The following UGT1A10 variants were observed in gnomAD, a reference collection of about 807,000 sequenced individuals.
UGT1A10 encodes UDP glucuronosyltransferase family 1 member A10.
A neutral mutation model predicts 45.8 loss-of-function variants in UGT1A10; 49 were observed. That is an observed-to-expected ratio of 1.07 (90% CI 0.85 to 1.36). UGT1A10 has a LOEUF of 1.36. Ranked by LOEUF, UGT1A10 falls within the 40% of genes most tolerant of loss-of-function variation. The pLI is 0.00. For synonymous variants in UGT1A10, 284 were observed against 249.7 expected, an observed-to-expected ratio of 1.14 and a Z score of -1.29; for missense variants, 745 against 668.6, an observed-to-expected ratio of 1.11 and a Z score of -1.26.
intron 1 of UGT1A10, among the ~76,000 whole-genome samples, chr2:233,669,145 C>T (rs1056326125): frequency 3.9e-5 from 6 of 152,170 alleles, no homozygotes; most frequent in Non-Finnish European, 5.9e-5. Flanking sequence ...AACTTGGTTG[C>T]TCATACTTCT....
intron 1 of UGT1A10, chr2:233,747,623 G>T: frequency 6.3e-7 from 1 of 1,577,752 alleles, no homozygotes; most frequent in Admixed American, 1.7e-5. Context: ...ATGAGGCCCT[G>T]ATCAGGCACC....
intron 1 of UGT1A10, among the ~76,000 whole-genome samples, chr2:233,733,415 C>T (rs778280209): frequency 6.6e-5 from 10 of 152,224 alleles, no homozygotes; most frequent in East Asian, 1.9e-4. Context: ...TTCCAGTTTT[C>T]GCCTACTCAG....
At chr2:233,742,375 GC>G (rs1691959490) in intron 1 of UGT1A10, among the ~76,000 whole-genome samples, 1 of 151,984 alleles carries the variant, frequency 6.6e-6, no homozygotes, top group Non-Finnish European at 1.5e-5. Flanking sequence ...TGTCCTTAAG[GC>G]ACAGATGGCT....
chr2:233,725,960 G>A (rs574964594), intron 1 of UGT1A10, among the ~76,000 whole-genome samples: 2 of 152,228 alleles, frequency 1.3e-5, no homozygotes, highest in East Asian at 3.9e-4. Flanking sequence ...GAGCCCAGGA[G>A]TCTGAGAGCA....
chr2:233,640,092 C>T (rs577175095), intron 1 of UGT1A10, among the ~76,000 whole-genome samples: 1 of 152,170 alleles, frequency 6.6e-6, no homozygotes, highest in Non-Finnish European at 1.5e-5. Context: ...TTCCCCATTG[C>T]TCTAAGATTC....
chr2:233,748,945 A>T (rs1040839145), intron 1 of UGT1A10, among the ~76,000 whole-genome samples: 1 of 151,666 alleles, frequency 6.6e-6, no homozygotes, highest in Non-Finnish European at 1.5e-5. Context: ...AACCCACCCT[A>T]TCCCACTCCA....
At chr2:233,702,172 T>C (rs2075673441) in intron 1 of UGT1A10, among the ~76,000 whole-genome samples, 1 of 152,210 alleles carries the variant, frequency 6.6e-6, no homozygotes, top group Non-Finnish European at 1.5e-5. Context: ...TCACTCTTCT[T>C]TCTCTCCTTC....
At chr2:233,747,507 C>G in intron 1 of UGT1A10, 1 of 1,608,136 alleles carries the variant, frequency 6.2e-7, no homozygotes. Flanking sequence ...CCACACTCAA[C>G]TGTACTTTGA....
intron 1 of UGT1A10, among the ~76,000 whole-genome samples, chr2:233,639,257 T>C (rs2073384600): frequency 6.6e-6 from 1 of 152,236 alleles, no homozygotes; most frequent in Non-Finnish European, 1.5e-5. Context: ...TATACACATG[T>C]ATGAAAGTTT....
chr2:233,735,469 G>T (rs1476007711), intron 1 of UGT1A10, among the ~76,000 whole-genome samples: 1 of 152,020 alleles, frequency 6.6e-6, no homozygotes, highest in African/African-American at 2.4e-5. Context: ...TATCCAATTT[G>T]CCAGTCTGTG....
chr2:233,747,699 A>G lies in UGT1A10; in HGVS notation c.856-19335A>G. 2.5e-6 allele frequency: 4 copies of G among 1,611,746 alleles called. No individual in the cohort carries two copies. In the South Asian group the frequency reaches 3.3e-5, roughly 13 times the overall value. On this transcript the variant is annotated intron_variant, in intron 1 of 4. Coordinates refer to ENST00000344644, the MANE Select transcript of UGT1A10 (RefSeq NM_019075.4). ...TTACCTCTGTGGGGCAGTGCTGGCT[A>G]AGTACCTATCAATTCCTGCTGTGTT...
rs547785127 is a variant in UGT1A10, at chr2:233,661,275, A to G, written c.855+23898A>G. On this transcript the variant is annotated intron_variant, in intron 1 of 4. Coordinates refer to ENST00000344644, the MANE Select transcript of UGT1A10 (RefSeq NM_019075.4). ...GTTGATAGGGCACAGAGGACTTCCC[A>G]TGAGGCTGTAAAGAACTTATTTCTC... Among the ~76,000 whole-genome samples, 25 of 152,098 alleles carry G rather than the reference A, an allele frequency of 1.6e-4. 1 individual carries two copies. In the South Asian group the frequency reaches 4.6e-3, roughly 28 times the overall value.
intron 1 of UGT1A10, chr2:233,672,912 CAA>C: frequency 1.3e-6 from 2 of 1,503,828 alleles, no homozygotes; most frequent in East Asian, 4.5e-5. Flanking sequence ...TCCAGTTTAA[CAA>C]ATTATTTTGT....
intron 1 of UGT1A10, chr2:233,693,758 G>A: frequency 6.2e-7 from 1 of 1,614,234 alleles, no homozygotes; most frequent in Non-Finnish European, 8.5e-7. Flanking sequence ...GAAGGTCTCT[G>A]TTTGGCTGTT....
At chr2:233,755,785 T>A (rs1696021377) in intron 1 of UGT1A10, 1 of 152,588 alleles carries the variant, frequency 6.6e-6, no homozygotes, top group Non-Finnish European at 1.5e-5. Flanking sequence ...ATGCCTATCA[T>A]ATGTACTGCA....
chr2:233,740,944 C>A (rs1030329888), intron 1 of UGT1A10: 6 of 151,278 alleles, frequency 4.0e-5, no homozygotes, highest in African/African-American at 1.5e-4. Flanking sequence ...TTTTAATTAG[C>A]TAGGTGTGGT....
intron 1 of UGT1A10, among the ~76,000 whole-genome samples, chr2:233,647,163 G>A (rs2741035): frequency 0.76 from 115,873 of 152,056 alleles, 44,283 homozygotes; most frequent in Non-Finnish European, 0.8. Context: ...CACGGGAAAC[G>A]CCCAGCCCCA....
At position 233,672,368 on chromosome 2, in the gene UGT1A10, T is replaced by C. The variant is rs1236482230; in HGVS notation, c.855+34991T>C. ...TTAAAGGAGAGTTCTTTTGATGCAG[T>C]GTTTCTCGATCCTTTTGATAACTGT... On this transcript the variant is annotated intron_variant, in intron 1 of 4. Coordinates refer to ENST00000344644, the MANE Select transcript of UGT1A10 (RefSeq NM_019075.4). 6 of 1,614,152 alleles carry C rather than the reference T, an allele frequency of 3.7e-6. No homozygotes were observed. The Admixed American group carries it at 1.0e-4, about 27-fold the overall frequency.
At chr2:233,751,110 CCA>C (rs1235610368) in intron 1 of UGT1A10, among the ~76,000 whole-genome samples, 2 of 151,964 alleles carry the variant, frequency 1.3e-5, no homozygotes, top group African/African-American at 4.9e-5. Flanking sequence ...GCCCTGCAAG[CCA>C]CAGTGTCCAA....
Sources: allele counts gnomAD v4.1 joint callset (sites outside exome capture counted in the v4.1 genomes callset), GRCh38; gene constraint gnomAD v4.1.1; transcripts MANE v1.5; gene names NCBI Gene and HGNC (gene_info 2026-07-23, HGNC 2026-07-21).